The following GLDN variants were observed in gnomAD, a reference collection of about 807,000 sequenced individuals.
GLDN encodes gliomedin.
Under a neutral mutation model 56.5 loss-of-function variants are expected in GLDN, and 47 were observed. That is an observed-to-expected ratio of 0.83 (90% CI 0.66 to 1.06). GLDN has a LOEUF of 1.06. GLDN is among the 50% of genes least tolerant of loss of function. The pLI, the probability that GLDN is intolerant of heterozygous loss-of-function variation, is 0.00. For synonymous variants in GLDN, 332 were observed against 278.8 expected, an observed-to-expected ratio of 1.19 and a Z score of -1.90; for missense variants, 782 against 714.3, an observed-to-expected ratio of 1.09 and a Z score of -1.08.
At chr15:51,410,163 G>A (rs1440542301), downstream of GLDN, among the ~76,000 whole-genome samples, 1 of 152,184 alleles carries the variant, frequency 6.6e-6, no homozygotes, top group Non-Finnish European at 1.5e-5. Flanking sequence ...CTGCACACGT[G>A]ATTTCACTCA....
intron 4 of GLDN, among the ~76,000 whole-genome samples, chr15:51,389,606 G>A (rs1001034546): frequency 1.3e-5 from 2 of 152,208 alleles, no homozygotes; most frequent in Non-Finnish European, 2.9e-5. Flanking sequence ...GGACGAGAGA[G>A]AAGAGTGATC....
At chr15:51,398,122 C>T (rs1190223639) in intron 6 of GLDN, among the ~76,000 whole-genome samples, 1 of 152,194 alleles carries the variant, frequency 6.6e-6, no homozygotes, top group Non-Finnish European at 1.5e-5. Flanking sequence ...AACTGATACC[C>T]CAAAGAGCTA....
At chr15:51,392,726 G>A (rs1035180678) in intron 4 of GLDN, among the ~76,000 whole-genome samples, 53 of 152,250 alleles carry the variant, frequency 3.5e-4, no homozygotes, top group Non-Finnish European at 5.0e-4. Context: ...GGGGTATCAC[G>A]TTAATTGATC....
rs1182021668 is a variant in GLDN, at chr15:51,405,369, A to C, written c.*615A>C. 1 of 135,888 alleles carries C rather than the reference A, an allele frequency of 7.4e-6. No individual in the cohort carries two copies. The highest frequency in any genetic ancestry group is 2.8e-5 in the African/African-American group (1 of 35,350). 8.4% of individuals were successfully genotyped at this position (135,888 alleles called of 1,614,324 possible). ...ATTAGCAAAAGCCAGGGACAGCTAC[A>C]TGTTCAGGTTTTTTTTTTTTTTTTT... On this transcript the variant is annotated 3_prime_UTR_variant, in exon 10 of 10. Transcript: ENST00000335449.
At position 51,377,494 on chromosome 15, in the gene GLDN, C is replaced by T. The variant is rs777691555; in HGVS notation, c.409C>T (p.Leu137Phe). 1.2e-6 allele frequency: 2 copies of T among 1,613,898 alleles called. No individual in the cohort carries two copies. The highest frequency in any genetic ancestry group is 1.1e-5 in the South Asian group (1 of 91,060). ...GTGCAACAGCACCAAGGGCATCTGC[C>T]TCACAGGTAGGCTGGCCGCTGAGCA... ...DLCNSTKGIC[L>F]TGPSGPPGPP... is the part of the protein sequence containing the mutation. The change falls in exon 2 of 10, where the codon CTC (leucine) becomes TTC (phenylalanine). Residue 137 changes from leucine (L) to phenylalanine (F), a missense_variant. Leu to Phe is a conservative substitution (Grantham distance 22). Coordinates refer to ENST00000335449, the MANE Select transcript of GLDN (RefSeq NM_181789.4).
At position 51,404,676 on chromosome 15, in the gene GLDN, T is replaced by A; in HGVS notation, c.1578T>A (p.Asp526Glu). 1 of 1,613,352 alleles carries A rather than the reference T, an allele frequency of 6.2e-7. No individual in the cohort carries two copies. The highest frequency in any genetic ancestry group is 8.5e-7 in the Non-Finnish European group (1 of 1,179,256). ...VLAMLAYNMRDQHLYSWEDGH... is the reference protein window; with the variant it reads ...VLAMLAYNMREQHLYSWEDGH... ...CCATGTTAGCATACAACATGAGAGA[T>A]CAGCATTTATATTCATGGGAAGATG... The change falls in exon 10 of 10, where the codon GAT becomes GAA. Residue 526 changes from aspartate to glutamate, a missense_variant. Physicochemically the swap from Asp to Glu is conservative, Grantham distance 45 (BLOSUM62 2). Transcript: ENST00000335449.
Position 51,405,651 on chromosome 15 carries a change from G to A in GLDN, c.*897G>A, listed in dbSNP as rs2038363863. ...GAACACTGAATCCTCAGATCACTCT[G>A]ACTTCTTATGCTTCTCCTGTGGATC... On this transcript the variant is annotated 3_prime_UTR_variant, in exon 10 of 10. Transcript: ENST00000335449. The A allele has an allele frequency of 6.6e-6, 1 of 152,152 alleles. No homozygotes were observed. Among genetic ancestry groups the A allele is most frequent in the Non-Finnish European group, 1.5e-5 (1 of 68,038 alleles). The allele number at this position is 152,152 out of a possible 1,614,324, so 9.4% of individuals were successfully genotyped here.
rs528796887 is a variant in GLDN at position 51,403,471 on chromosome 15, GTTTTC to G, written c.1179-801_1179-797del. Among the ~76,000 whole-genome samples the G allele has an allele frequency of 3.0e-3, 459 of 152,300 alleles. 2 individuals carry two copies. The highest frequency in any genetic ancestry group is 9.3e-3 in the African/African-American group (388 of 41,556). ...CTGCTGCTCAGTGGCACCCTCTGGTGTTTTCTTTTAGCCTAATGTTCCTGAATTTT... is the reference window on the plus strand; with the variant it reads ...CTGCTGCTCAGTGGCACCCTCTGGTGTTTTAGCCTAATGTTCCTGAATTTT... On this transcript the variant is annotated intron_variant, in intron 9 of 9. Coordinates refer to ENST00000335449, the MANE Select transcript of GLDN (RefSeq NM_181789.4).
At chr15:51,390,884 A>ACATAGTGT (rs1219653851) in intron 4 of GLDN, among the ~76,000 whole-genome samples, 1 of 152,210 alleles carries the variant, frequency 6.6e-6, no homozygotes, top group Non-Finnish European at 1.5e-5. Context: ...GGTCCAGATC[A>ACATAGTGT]CATAGTGTCA....
At position 51,377,302 on chromosome 15, in the gene GLDN, G is replaced by C. The variant is rs117848155; in HGVS notation, c.364-147G>C. ...TGTTGACTGCAGCATCACTAGGTGG[G>C]ACATCACTGCGTTTTCCTTGAACTT... is the stretch of plus-strand genomic sequence containing the variant. On this transcript the variant is annotated intron_variant, in intron 1 of 9. Coordinates refer to ENST00000335449, the MANE Select transcript of GLDN (RefSeq NM_181789.4). The C allele has an allele frequency of 0.061, 37,639 of 615,804 alleles. 1,774 individuals carry two copies. Among genetic ancestry groups the C allele is most frequent in the Admixed American group, 0.18 (6,308 of 35,908 alleles). 38.1% of individuals were successfully genotyped at this position (615,804 alleles called of 1,614,324 possible).
At chr15:51,373,332 T>A (rs898930361) in intron 1 of GLDN, among the ~76,000 whole-genome samples, 1 of 152,120 alleles carries the variant, frequency 6.6e-6, no homozygotes, top group Admixed American at 6.5e-5. Context: ...ATATGAAAAG[T>A]CAGCCACCCA....
chr15:51,403,790 C>A (rs1262164171), intron 9 of GLDN, among the ~76,000 whole-genome samples: 2 of 152,158 alleles, frequency 1.3e-5, no homozygotes, highest in Non-Finnish European at 2.9e-5. Context: ...GAGTTAGAAA[C>A]CCTAAGTTCA....
intron 4 of GLDN, among the ~76,000 whole-genome samples, chr15:51,390,254 T>C (rs536806863): frequency 3.3e-5 from 5 of 152,372 alleles, no homozygotes; most frequent in South Asian, 4.1e-4. Flanking sequence ...GTAAGTGCTA[T>C]ACTGGTGTTA....
chr15:51,375,362 T>C (rs1270712257), intron 1 of GLDN, among the ~76,000 whole-genome samples: 2 of 152,228 alleles, frequency 1.3e-5, no homozygotes, highest in African/African-American at 4.8e-5. Context: ...TCTGGAAAGA[T>C]AAAGAGATTA....
At chr15:51,363,551 T>C (rs2037344083) in intron 1 of GLDN, among the ~76,000 whole-genome samples, 1 of 152,190 alleles carries the variant, frequency 6.6e-6, no homozygotes, top group Non-Finnish European at 1.5e-5. Context: ...GTGCACACTG[T>C]GGGTGCTGAG....
At chr15:51,386,480 G>A (rs1342467216) in intron 4 of GLDN, among the ~76,000 whole-genome samples, 1 of 152,230 alleles carries the variant, frequency 6.6e-6, no homozygotes, top group Non-Finnish European at 1.5e-5. Flanking sequence ...GAAAGGGATA[G>A]GGAGGAGGGA....
At position 51,383,837 on chromosome 15, in the gene GLDN, T is replaced by C; in HGVS notation, c.486T>C (p.Pro162=). The change falls in exon 4 of 10, where the codon CCT becomes CCC. Residue 162 remains proline, a synonymous_variant. Transcript: ENST00000335449. ...LPGHNGLDGQ[P]GPQGPKGEKG... The stretch of plus-strand genomic sequence containing the variant: ...GACACAACGGATTGGATGGACAGCC[T>C]GGTCCTCAGGGCCCAAAAGGAGAAA... 1 of 1,613,594 alleles carries C rather than the reference T, an allele frequency of 6.2e-7. No individual in the cohort carries two copies. Among genetic ancestry groups the C allele is most frequent in the Non-Finnish European group, 8.5e-7 (1 of 1,179,932 alleles).
chr15:51,390,944 A>C (rs1404227863), intron 4 of GLDN, among the ~76,000 whole-genome samples: 1 of 152,204 alleles, frequency 6.6e-6, no homozygotes, highest in Non-Finnish European at 1.5e-5. Flanking sequence ...GGGACAGGGC[A>C]GGGTAGAAAA....
At chr15:51,363,824 A>T (rs901680809) in intron 1 of GLDN, among the ~76,000 whole-genome samples, 1 of 152,210 alleles carries the variant, frequency 6.6e-6, no homozygotes, top group East Asian at 1.9e-4. Flanking sequence ...ATGTCCAAAG[A>T]TTCTTTATTT....
Sources: allele counts gnomAD v4.1 joint callset (sites outside exome capture counted in the v4.1 genomes callset), GRCh38; gene constraint gnomAD v4.1.1; transcripts MANE v1.5; gene names NCBI Gene and HGNC (gene_info 2026-07-23, HGNC 2026-07-21).